RTL4: variants seen among roughly 807,000 people sequenced by gnomAD.
RTL4 encodes retrotransposon Gag-like protein 4.
RTL4 carries 4 observed loss-of-function variants against 5.3 expected under a neutral mutation model. That is an observed-to-expected ratio of 0.75 (90% CI 0.37 to 1.72). The LOEUF is 1.72. RTL4 is among the 40% of genes most tolerant of loss of function. RTL4 has a pLI of 0.04. For missense variants in RTL4, 260 were observed against 227.1 expected, an observed-to-expected ratio of 1.14 and a Z score of -0.93; for synonymous variants, 98 against 87.3, an observed-to-expected ratio of 1.12 and a Z score of -0.68.
chrX:112,086,346 T>C, the RTL4 span, among the ~76,000 whole-genome samples: 1 of 112,509 alleles, frequency 8.9e-6, no homozygotes, highest in Non-Finnish European at 1.9e-5. Flanking sequence ...CAAGGAAAGT[T>C]TCTAACTACT....
chrX:112,212,239 T>C, the RTL4 span, among the ~76,000 whole-genome samples: 1 of 110,758 alleles, frequency 9.0e-6, no homozygotes, highest in Non-Finnish European at 1.9e-5. Flanking sequence ...TAGCCAGGCA[T>C]GGTGGCGGGC....
At chrX:112,239,943 G>A in the RTL4 span, among the ~76,000 whole-genome samples, 1 of 111,425 alleles carries the variant, frequency 9.0e-6, no homozygotes, top group East Asian at 2.8e-4. Context: ...CCAAGAACCA[G>A]GAAAATTATA....
the RTL4 span, among the ~76,000 whole-genome samples, chrX:112,362,987 C>CTGCG: frequency 9.0e-6 from 1 of 111,135 alleles, no homozygotes; most frequent in Non-Finnish European, 1.9e-5. Flanking sequence ...AAAGTGTGCT[C>CTGCG]TGCGAGCAGC....
the RTL4 span, among the ~76,000 whole-genome samples, chrX:112,448,738 C>T: frequency 8.9e-6 from 1 of 111,914 alleles, no homozygotes; most frequent in Admixed American, 9.5e-5. Flanking sequence ...TCTCTGAGAA[C>T]AATGAGAGTC....
At chrX:112,095,194 G>A in the RTL4 span, among the ~76,000 whole-genome samples, 1 of 111,471 alleles carries the variant, frequency 9.0e-6, no homozygotes, top group African/African-American at 3.3e-5. Flanking sequence ...TAAGTTTGTA[G>A]GTTTCATGGC....
At chrX:112,182,519 A>G in the RTL4 span, among the ~76,000 whole-genome samples, 7 of 112,080 alleles carry the variant, frequency 6.2e-5, no homozygotes, top group Non-Finnish European at 9.4e-5. Context: ...ACAACACAGC[A>G]TGAGAACTTC....
chrX:112,437,802 ATGGTGGTGGTGGTGG>A, the RTL4 span, among the ~76,000 whole-genome samples: 92 of 77,004 alleles, frequency 1.2e-3, no homozygotes, highest in East Asian at 3.9e-3. Context: ...GGTGGTGGTG[ATGGTGGTGGTGGTGG>A]TGGTGGTGGT....
chrX:112,125,175 G>A, the RTL4 span, among the ~76,000 whole-genome samples: 2 of 109,984 alleles, frequency 1.8e-5, no homozygotes, highest in African/African-American at 6.6e-5. Flanking sequence ...CAAAGTACTG[G>A]GATTACAGGC....
At chrX:112,290,157 T>C in the RTL4 span, among the ~76,000 whole-genome samples, 1 of 111,715 alleles carries the variant, frequency 9.0e-6, no homozygotes, top group East Asian at 2.8e-4. Flanking sequence ...ACGGTGATTA[T>C]TGAAATTATT....
chrX:112,201,327 C>T, the RTL4 span, among the ~76,000 whole-genome samples: 1 of 111,115 alleles, frequency 9.0e-6, no homozygotes, highest in Non-Finnish European at 1.9e-5. Flanking sequence ...GGACACAAAG[C>T]CTAACCTTTT....
chrX:112,228,736 A>G, the RTL4 span, among the ~76,000 whole-genome samples: 43 of 111,682 alleles, frequency 3.9e-4, no homozygotes, highest in Non-Finnish European at 6.0e-4. Context: ...CTCTGTTTCT[A>G]TGAGTTCATT....
At chrX:112,165,276 C>G in the RTL4 span, among the ~76,000 whole-genome samples, 2 of 112,552 alleles carry the variant, frequency 1.8e-5, no homozygotes, top group African/African-American at 6.4e-5. Context: ...TACTGAAGCA[C>G]TACATACAAT....
chrX:112,089,260 C>A, the RTL4 span, among the ~76,000 whole-genome samples: 2 of 110,945 alleles, frequency 1.8e-5, no homozygotes, highest in African/African-American at 6.5e-5. Flanking sequence ...ATCCCTCCCC[C>A]CTGGAATCTG....
the RTL4 span, among the ~76,000 whole-genome samples, chrX:112,423,173 G>A: frequency 6.4e-5 from 7 of 110,186 alleles, no homozygotes; most frequent in Non-Finnish European, 1.3e-4. Context: ...AGAATCAATT[G>A]ACTCACTCCT....
At chrX:112,370,680 C>A in the RTL4 span, among the ~76,000 whole-genome samples, 1 of 110,961 alleles carries the variant, frequency 9.0e-6, no homozygotes. Context: ...ATTGTTCGCA[C>A]GCTGAAAGGT....
chrX:112,192,307 G>T, the RTL4 span, among the ~76,000 whole-genome samples: 1 of 110,239 alleles, frequency 9.1e-6, no homozygotes, highest in Admixed American at 9.7e-5. Context: ...GAGTAGAAAT[G>T]ATGAGACTGT....
At chrX:112,327,879 AC>A in the RTL4 span, among the ~76,000 whole-genome samples, 123 of 111,128 alleles carry the variant, frequency 1.1e-3, 1 homozygote, top group East Asian at 0.034. Flanking sequence ...AGAATTTTCA[AC>A]CCAGAATTTC....
chrX:112,242,492 CTGTT>C, the RTL4 span, among the ~76,000 whole-genome samples: 2 of 111,386 alleles, frequency 1.8e-5, no homozygotes, highest in African/African-American at 6.5e-5. Context: ...ATTTGGCACT[CTGTT>C]TGTCTGTTAT....
At chrX:112,283,751 C>T in the RTL4 span, among the ~76,000 whole-genome samples, 1,434 of 110,728 alleles carry the variant, frequency 0.013, 28 homozygotes, top group African/African-American at 0.042. Flanking sequence ...ACTATGCCTT[C>T]CCTATGCCTT....
Sources: gnomAD v4.1 joint callset for allele counts (sites outside exome capture counted in the v4.1 genomes callset) on GRCh38, gnomAD v4.1.1 for gene constraint, MANE v1.5 for transcripts, NCBI Gene and HGNC (gene_info 2026-07-23, HGNC 2026-07-21) for gene names.